LHFPL2: variants seen among roughly 807,000 people sequenced by gnomAD.
The protein encoded by LHFPL2 is LHFPL tetraspan subfamily member 2, also known as LHFPL tetraspan subfamily member 2 protein.
In LHFPL2, 7 loss-of-function variants were observed where a neutral mutation model predicts 17.5. The ratio of observed to expected loss-of-function variants is 0.40; its 90% CI spans 0.23 to 0.75. LHFPL2 has a LOEUF of 0.75. Among genes scored for constraint, LHFPL2 ranks in the 30% least tolerant of loss-of-function variants. The probability of loss-of-function intolerance (pLI) is 0.37; values close to 1 mark genes in which losing one functional copy is unlikely to be tolerated. For synonymous variants in LHFPL2, 134 were observed against 116.2 expected, an observed-to-expected ratio of 1.15 and a Z score of -0.99; for missense variants, 241 against 294.8, an observed-to-expected ratio of 0.82 and a Z score of 1.34.
intron 3 of LHFPL2, among the ~76,000 whole-genome samples, chr5:78,552,692 G>C (rs1756479177): frequency 6.6e-6 from 1 of 152,216 alleles, no homozygotes; most frequent in Admixed American, 6.5e-5. Flanking sequence ...AAATAAGCAT[G>C]ATCAATTCTG....
rs1291847583 is a variant in LHFPL2, at chr5:78,488,903, G to A, written c.681C>T (p.Leu227=). The A allele has an allele frequency of 6.2e-7, 1 of 1,613,948 alleles. No individual in the cohort carries two copies. The highest frequency in any genetic ancestry group is 1.3e-5 in the African/African-American group (1 of 75,056). Residue 227 remains leucine, a synonymous_variant, in exon 5 of 5, where the codon CTC becomes CTT. Transcript: ENST00000380345. ...TGGCATTGTCTCTTCCAAACTAAAG[G>A]AGGCAGATCAGATTTTTCCCCTCTT... ...EIEEGKNLIC[L]L is the part of the protein sequence containing the mutation.
At chr5:78,521,149 G>C (rs1755445409) in intron 3 of LHFPL2, among the ~76,000 whole-genome samples, 1 of 152,200 alleles carries the variant, frequency 6.6e-6, no homozygotes. Flanking sequence ...AAGTGACTTA[G>C]CTTCAGGCAA....
chr5:78,633,798 T>C (rs1264857595), intron 1 of LHFPL2, among the ~76,000 whole-genome samples: 1 of 152,152 alleles, frequency 6.6e-6, no homozygotes, highest in African/African-American at 2.4e-5. Flanking sequence ...TGGGCCCTCA[T>C]CTGTTTTAGG....
At chr5:78,579,100 T>C (rs1178134417) in intron 2 of LHFPL2, among the ~76,000 whole-genome samples, 1 of 152,184 alleles carries the variant, frequency 6.6e-6, no homozygotes, top group Non-Finnish European at 1.5e-5. Context: ...TTTTAGAATC[T>C]GACTCTGCAA....
At chr5:78,632,756 A>G (rs188346660) in intron 1 of LHFPL2, among the ~76,000 whole-genome samples, 88 of 152,324 alleles carry the variant, frequency 5.8e-4, no homozygotes, top group African/African-American at 1.9e-3. Context: ...GGTCGCATTC[A>G]CGACTTTGAT....
intron 2 of LHFPL2, among the ~76,000 whole-genome samples, chr5:78,608,910 C>T (rs900562099): frequency 7.6e-5 from 11 of 144,298 alleles, no homozygotes; most frequent in Non-Finnish European, 1.4e-4. Context: ...CCAGCCTAGG[C>T]GACAGAGCAA....
At chr5:78,526,189 C>T (rs1419913076) in intron 3 of LHFPL2, among the ~76,000 whole-genome samples, 1 of 152,188 alleles carries the variant, frequency 6.6e-6, no homozygotes, top group Non-Finnish European at 1.5e-5. Flanking sequence ...CACTCCTCCC[C>T]ACACTCCAAG....
chr5:78,564,608 A>G (rs748222553), intron 3 of LHFPL2, among the ~76,000 whole-genome samples: 4 of 152,204 alleles, frequency 2.6e-5, no homozygotes, highest in African/African-American at 4.8e-5. Flanking sequence ...ATTAAATTCA[A>G]TATCATTTAA....
intron 2 of LHFPL2, among the ~76,000 whole-genome samples, chr5:78,585,554 A>C (rs1043869630): frequency 1.3e-5 from 2 of 151,906 alleles, no homozygotes; most frequent in African/African-American, 4.8e-5. Context: ...GGAAATGCAG[A>C]AATCACCCGT....
intron 1 of LHFPL2, among the ~76,000 whole-genome samples, chr5:78,643,858 C>T (rs1266300373): frequency 6.6e-6 from 1 of 152,036 alleles, no homozygotes; most frequent in African/African-American, 2.4e-5. Flanking sequence ...GTCAGGAGTT[C>T]GAGACCAGCC....
At chr5:78,636,128 G>T (rs574774640) in intron 1 of LHFPL2, among the ~76,000 whole-genome samples, 1 of 152,288 alleles carries the variant, frequency 6.6e-6, no homozygotes, top group South Asian at 2.1e-4. Flanking sequence ...TGAGGCTGCC[G>T]TCTGTGGCCC....
intron 3 of LHFPL2, among the ~76,000 whole-genome samples, chr5:78,525,932 GCCTC>G (rs146090364): frequency 0.014 from 2,104 of 152,302 alleles, 48 homozygotes; most frequent in African/African-American, 0.047. Context: ...GGTAGATAGA[GCCTC>G]CTCTCTGGTC....
intron 2 of LHFPL2, among the ~76,000 whole-genome samples, chr5:78,613,707 T>TTTCA (rs2112489373): frequency 6.6e-6 from 1 of 152,306 alleles, no homozygotes; most frequent in African/African-American, 2.4e-5. Context: ...TCCATGTCTA[T>TTTCA]TTCATACTAA....
intron 2 of LHFPL2, among the ~76,000 whole-genome samples, chr5:78,621,975 C>A (rs932692375): frequency 6.6e-6 from 1 of 152,124 alleles, no homozygotes; most frequent in Non-Finnish European, 1.5e-5. Flanking sequence ...CCGAGAAACA[C>A]ATACTCTCTA....
At chr5:78,567,543 G>A (rs1050301919) in intron 2 of LHFPL2, among the ~76,000 whole-genome samples, 1 of 151,768 alleles carries the variant, frequency 6.6e-6, no homozygotes, top group Non-Finnish European at 1.5e-5. Flanking sequence ...TAGAAACATT[G>A]GTCTGTTACT....
chr5:78,499,049 A>G (rs1754693794), intron 4 of LHFPL2, among the ~76,000 whole-genome samples: 1 of 152,198 alleles, frequency 6.6e-6, no homozygotes, highest in African/African-American at 2.4e-5. Context: ...ACATAATGGC[A>G]GTGTTGACCA....
chr5:78,514,863 A>T (rs1342654665), intron 3 of LHFPL2, among the ~76,000 whole-genome samples: 2 of 152,184 alleles, frequency 1.3e-5, no homozygotes, highest in African/African-American at 4.8e-5. Flanking sequence ...TCAAACATAA[A>T]GTTGGCAAGA....
intron 4 of LHFPL2, among the ~76,000 whole-genome samples, chr5:78,490,562 C>T (rs1471469530): frequency 7.0e-6 from 1 of 143,184 alleles, no homozygotes; most frequent in Non-Finnish European, 1.6e-5. Context: ...ACCATCCTGG[C>T]CAACATGGTG....
At chr5:78,558,092 C>G (rs1756629208) in intron 3 of LHFPL2, among the ~76,000 whole-genome samples, 1 of 152,218 alleles carries the variant, frequency 6.6e-6, no homozygotes, top group Non-Finnish European at 1.5e-5. Flanking sequence ...ACAGGGGCAG[C>G]ATCTCAGAAC....
Sources: gnomAD v4.1 joint callset for allele counts (sites outside exome capture counted in the v4.1 genomes callset) on GRCh38, gnomAD v4.1.1 for gene constraint, MANE v1.5 for transcripts, NCBI Gene and HGNC (gene_info 2026-07-23, HGNC 2026-07-21) for gene names.